SP6: variants seen among roughly 807,000 people sequenced by gnomAD.
SP6 encodes the protein Sp6 transcription factor, also known as transcription factor Sp6.
In SP6, 10 loss-of-function variants were observed where a neutral mutation model predicts 23.4. The observed-to-expected ratio is 0.43, with a 90% CI of 0.26 to 0.72. The LOEUF (loss-of-function observed/expected upper bound fraction) is 0.72, where lower values mean the gene tolerates loss of function less well. Ranked by LOEUF, SP6 falls within the 30% of genes least tolerant of loss-of-function variation. SP6 has a pLI of 0.23. For missense variants in SP6, 482 were observed against 523.8 expected (o/e 0.92, Z 0.78); for synonymous variants, 238 against 238.7 (o/e 1.00, Z 0.03).
At chr17:47,871,932 T>C in the SP6 span, among the ~76,000 whole-genome samples, 8 of 152,312 alleles carry the variant, frequency 5.3e-5, no homozygotes, top group African/African-American at 1.9e-4. Flanking sequence ...CTGGTCTGTT[T>C]CTTTGCTGGA....
At chr17:47,871,714 A>G in the SP6 span, among the ~76,000 whole-genome samples, 2 of 150,498 alleles carry the variant, frequency 1.3e-5, no homozygotes, top group African/African-American at 4.9e-5. Flanking sequence ...TGCCTCCCGG[A>G]TTCAAGCGAT....
rs1288611825 is a variant in SP6, at chr17:47,847,699, C to T, written c.731G>A (p.Gly244Glu). The change falls in exon 2 of 2, where the codon GGG becomes GAG. Residue 244 changes from glycine (G) to glutamate (E), a missense_variant. By Grantham distance (98) the Gly-to-Glu change is moderately conservative (BLOSUM62 -2). This residue lies in a region of SP6 where 51 missense variants were observed against 92.1 expected (regional missense o/e 0.55). Transcript: ENST00000536300. ...LEAERLGAPC[G>E]PDGGKKKHLH... ...ATGCTTCTTCTTGCCCCCATCGGGC[C>T]CACATGGAGCCCCCAGTCGCTCCGC... The T allele has an allele frequency of 6.2e-7, 1 of 1,604,772 alleles. No individual in the cohort carries two copies. Among genetic ancestry groups the T allele is most frequent in the Non-Finnish European group, 8.5e-7 (1 of 1,174,572 alleles).
chr17:47,868,242 C>T, the SP6 span, among the ~76,000 whole-genome samples: 1 of 152,352 alleles, frequency 6.6e-6, no homozygotes, highest in South Asian at 2.1e-4. Context: ...ACTCTCCACT[C>T]CCATTCGGGC....
At chr17:47,875,330 A>C in the SP6 span, among the ~76,000 whole-genome samples, 5 of 152,228 alleles carry the variant, frequency 3.3e-5, no homozygotes, top group Non-Finnish European at 7.4e-5. Flanking sequence ...TTTGTTCCGC[A>C]GTCCCCCCCA....
At chr17:47,857,846 C>T (rs1181544274), upstream of SP6, among the ~76,000 whole-genome samples, 1 of 152,100 alleles carries the variant, frequency 6.6e-6, no homozygotes, top group Admixed American at 6.5e-5. Context: ...GCTGAAGACC[C>T]AGTGGGGCTG....
chr17:47,859,039 G>T (rs8074522), upstream of SP6, among the ~76,000 whole-genome samples: 152,118 of 152,208 alleles, frequency 1, 76,014 homozygotes, highest in Non-Finnish European at 1. Flanking sequence ...CCTCCCAAAG[G>T]GCTGGGATTA....
In SP6 at chr17:47,844,956, CCCT is replaced by C. The variant is rs1050707555; in HGVS notation, c.*2340_*2342del. 6.6e-5 allele frequency: 10 copies of C among 152,636 alleles called. No individual in the cohort carries two copies. Among genetic ancestry groups the C allele is most frequent in the African/African-American group, 2.2e-4 (9 of 41,438 alleles). 9.5% of individuals were successfully genotyped at this position (152,636 alleles called of 1,614,324 possible). On this transcript the variant is annotated 3_prime_UTR_variant, in exon 2 of 2. Transcript: ENST00000536300. ...TGCATAAAAAACACAGGCTGTTTCT[CCCT>C]CCTCCTACCCCCTCAAAGTGAGTTC...
At chr17:47,876,100 G>A in the SP6 span, among the ~76,000 whole-genome samples, 12 of 152,306 alleles carry the variant, frequency 7.9e-5, no homozygotes, top group South Asian at 1.4e-3. Flanking sequence ...GTCACTGTGG[G>A]TCTGGCTGAC....
At chr17:47,858,340 C>G (rs185324214), upstream of SP6, among the ~76,000 whole-genome samples, 1 of 152,138 alleles carries the variant, frequency 6.6e-6, no homozygotes, top group South Asian at 2.1e-4. Flanking sequence ...TTCCTCCCAC[C>G]CCTAAGCTTG....
At chr17:47,849,974 T>G (rs1312098921) in intron 1 of SP6, among the ~76,000 whole-genome samples, 1 of 152,100 alleles carries the variant, frequency 6.6e-6, no homozygotes, top group Non-Finnish European at 1.5e-5. Flanking sequence ...GAGGTGGCAC[T>G]GATAGCCTGG....
the SP6 span, among the ~76,000 whole-genome samples, chr17:47,867,033 C>G: frequency 6.6e-6 from 1 of 152,108 alleles, no homozygotes; most frequent in Admixed American, 6.5e-5. Flanking sequence ...CTGGCAGGAA[C>G]AAAGGATGAA....
At chr17:47,853,219 T>C (rs889495061), upstream of SP6, among the ~76,000 whole-genome samples, 3 of 152,222 alleles carry the variant, frequency 2.0e-5, no homozygotes, top group African/African-American at 7.2e-5. Context: ...TGCCTTCTTG[T>C]TACTTGGGGC....
At position 47,847,194 on chromosome 17, in the gene SP6, A is replaced by AT; in HGVS notation, c.*104dup. On this transcript the variant is annotated 3_prime_UTR_variant, in exon 2 of 2. Transcript: ENST00000536300. ...ACCACTTTTCCTCCTCCCTGAATAAATACGCACCTTCCCCTCTTCCTCAAG... is the reference window on the plus strand; with the variant it reads ...ACCACTTTTCCTCCTCCCTGAATAAATTACGCACCTTCCCCTCTTCCTCAAG... 8.3e-7 allele frequency: 1 copy of AT among 1,208,832 alleles called. No homozygotes were observed. Among genetic ancestry groups the AT allele is most frequent in the Non-Finnish European group, 1.1e-6 (1 of 891,484 alleles). 74.9% of individuals were successfully genotyped at this position (1,208,832 alleles called of 1,614,324 possible).
chr17:47,848,557 C>T lies in SP6; in HGVS notation c.-57-71G>A, dbSNP rs2143650868. On this transcript the variant is annotated intron_variant, in intron 1 of 1. Transcript: ENST00000536300. This position sits in a 1 kb window ranked among gnomAD's most constrained non-coding sequence, Gnocchi z 5.3. ...ACTTTCCCTCCTAACCCAGGTCCTCCTCTCTGGCCCCAGGTGTAAAAGAAG... is the reference window on the plus strand; with the variant it reads ...ACTTTCCCTCCTAACCCAGGTCCTCTTCTCTGGCCCCAGGTGTAAAAGAAG... 1 of 832,634 alleles carries T rather than the reference C, an allele frequency of 1.2e-6. No individual in the cohort carries two copies. The highest frequency in any genetic ancestry group is 3.1e-5 in the Admixed American group (1 of 32,010). 51.6% of individuals were successfully genotyped at this position (832,634 alleles called of 1,614,324 possible).
upstream of SP6, among the ~76,000 whole-genome samples, chr17:47,858,676 A>G (rs751965359): frequency 1.3e-5 from 2 of 150,654 alleles, no homozygotes; most frequent in Admixed American, 6.6e-5. Flanking sequence ...AAAAATTACT[A>G]CTTGTCTCGA....
At chr17:47,850,292 G>A (rs535387753) in intron 1 of SP6, among the ~76,000 whole-genome samples, 1 of 152,294 alleles carries the variant, frequency 6.6e-6, no homozygotes. Flanking sequence ...CCAAAGCGGG[G>A]TGATTCTCAG....
Position 47,849,138 on chromosome 17 carries a change from G to A in SP6, c.-57-652C>T, listed in dbSNP as rs148509601. Reference sequence around the variant, plus strand: ...TGCCCCCACCCCCTTCCCTCAAGCAGGGACTTCACCTCCCTGGGGAGCAGC... The same window carrying A: ...TGCCCCCACCCCCTTCCCTCAAGCAAGGACTTCACCTCCCTGGGGAGCAGC... On this transcript the variant is annotated intron_variant, in intron 1 of 1. Transcript: ENST00000536300. 4.6e-5 allele frequency among the ~76,000 whole-genome samples: 7 copies of A among 152,056 alleles called. No individual in the cohort carries two copies. In the East Asian group the frequency reaches 1.4e-3, roughly 29 times the overall value.
rs1453966353 is a variant in SP6 at position 47,848,307 on chromosome 17, C to A, written c.123G>T (p.Gly41=). The change falls in exon 2 of 2, where the codon GGG becomes GGT. Residue 41 remains glycine (G), a synonymous_variant. Coordinates refer to ENST00000536300, the MANE Select transcript of SP6 (RefSeq NM_001258248.2). The surrounding 1 kb of genome is among the most constrained non-coding windows in gnomAD (Gnocchi z 5.3). ...CAGGCTGCAGCGGGGAGGGGTAGTC[C>A]CCGGCCTCAGGGCTCGTGTGGCCCT... ...TYQGHTSPEA[G]DYPSPLQPGE... is the part of the protein sequence containing the mutation. 1 of 1,611,974 alleles carries A rather than the reference C, an allele frequency of 6.2e-7. No homozygotes were observed. The highest frequency in any genetic ancestry group is 1.7e-5 in the Admixed American group (1 of 59,864).
Position 47,848,252 on chromosome 17 carries a change from C to T in SP6, c.178G>A (p.Glu60Lys), listed in dbSNP as rs772340607. 6.2e-7 allele frequency: 1 copy of T among 1,611,964 alleles called. No individual in the cohort carries two copies. Among genetic ancestry groups the T allele is most frequent in the Non-Finnish European group, 8.5e-7 (1 of 1,179,034 alleles). Residue 60 changes from glutamate to lysine, a missense_variant, in exon 2 of 2, where the codon GAG becomes AAG. Glu to Lys is a moderately conservative substitution (Grantham distance 56). Transcript: ENST00000536300. The surrounding 1 kb of genome is among the most constrained non-coding windows in gnomAD (Gnocchi z 5.3). Reference protein sequence around the residue: ...GELQSLPLGPEVDFSQGYELP... With the variant: ...GELQSLPLGPKVDFSQGYELP... Reference sequence around the variant, plus strand: ...TCATAGCCCTGCGAGAAGTCCACCTCCGGGCCCAGCGGGAGGCTCTGCAGC... The same window carrying T: ...TCATAGCCCTGCGAGAAGTCCACCTTCGGGCCCAGCGGGAGGCTCTGCAGC...
Sources: gnomAD v4.1 joint callset for allele counts (sites outside exome capture counted in the v4.1 genomes callset) on GRCh38, gnomAD v4.1.1 for gene constraint, gnomAD v4.1.1 regional missense constraint, Gnocchi (gnomAD v3.1) non-coding constraint, MANE v1.5 for transcripts, NCBI Gene and HGNC (gene_info 2026-07-23, HGNC 2026-07-21) for gene names.